Variants in RABGGTA observed in about 807,000 individuals in gnomAD.
RABGGTA encodes Rab geranylgeranyltransferase subunit alpha.
In RABGGTA, 69 loss-of-function variants were observed where a neutral mutation model predicts 83.3. The ratio of observed to expected loss-of-function variants is 0.83; its 90% CI spans 0.68 to 1.01. The LOEUF (loss-of-function observed/expected upper bound fraction) is 1.01, where lower values mean the gene tolerates loss of function less well. Ranked by LOEUF, RABGGTA falls within the 50% of genes least tolerant of loss-of-function variation. The pLI is 0.00. For missense variants in RABGGTA, 681 were observed against 712.7 expected (o/e 0.96, Z 0.51); for synonymous variants, 310 against 299.8 (o/e 1.03, Z -0.35).
chr14:24,271,441 C>A (rs776663101), intron 1 of RABGGTA, 46 bp downstream of exon 1: 28 of 256,502 alleles, frequency 1.1e-4, no homozygotes, highest in Non-Finnish European at 1.7e-4. Context: ...GCTACCCGCC[C>A]GTCCCACGGC....
chr14:24,269,273 T>G, intron 6 of RABGGTA, 110 bp from the exon 7 acceptor site: 1 of 1,147,132 alleles, frequency 8.7e-7, no homozygotes, highest in Non-Finnish European at 1.3e-6. Flanking sequence ...GTCTCACTTA[T>G]ATGCTGTCCT....
rs1489386662 is a variant in RABGGTA at position 24,268,205 on chromosome 14, G to C, written c.1059-7C>G. 6.3e-7 allele frequency: 1 copy of C among 1,599,020 alleles called. No individual in the cohort carries two copies. The highest frequency in any genetic ancestry group is 1.3e-5 in the African/African-American group (1 of 74,602). On this transcript the variant is annotated splice_polypyrimidine_tract_variant and splice_region_variant and intron_variant, in intron 11 of 16. Coordinates refer to ENST00000216840, the MANE Select transcript of RABGGTA (RefSeq NM_182836.3). ...CTCCACTGACAGCTCACACCTGAGG[G>C]TGGGCAGGGTGGGGAGGAGTTGAGG... is the stretch of plus-strand genomic sequence containing the variant.
chr14:24,268,510 T>C lies in RABGGTA; in HGVS notation c.1006+4A>G. ...CAAGGGGTGGAGGCTGCAGGTTCCA[T>C]CACCTTTTAAAAGCACGCATTCTTT... On this transcript the variant is annotated splice_donor_region_variant and intron_variant, in intron 10 of 16. Coordinates refer to ENST00000216840, the MANE Select transcript of RABGGTA (RefSeq NM_182836.3). 2 of 1,613,800 alleles carry C rather than the reference T, an allele frequency of 1.2e-6. No individual in the cohort carries two copies. The highest frequency in any genetic ancestry group is 2.2e-5 in the East Asian group (1 of 44,882).
At chr14:24,268,478 G>T in intron 10 of RABGGTA, 36 bp downstream of exon 10, 1 of 1,613,350 alleles carries the variant, frequency 6.2e-7, no homozygotes, top group Non-Finnish European at 8.5e-7. Flanking sequence ...AGTGATGGGG[G>T]CTGCTGCAAG....
Position 24,267,769 on chromosome 14 carries a change from T to C in RABGGTA, c.1244A>G (p.Asp415Gly), listed in dbSNP as rs377116273. The C allele has an allele frequency of 5.6e-6, 9 of 1,612,260 alleles. No homozygotes were observed. Among genetic ancestry groups the C allele is most frequent in the Non-Finnish European group, 7.6e-6 (9 of 1,179,766 alleles). Reference sequence around the variant, plus strand: ...ATCCAGATACGTTGCCCGCATGGGGTCCACGGCCTGGAGTGGATGAGGTGG... The same window carrying C: ...ATCCAGATACGTTGCCCGCATGGGGCCCACGGCCTGGAGTGGATGAGGTGG... Reference protein sequence around the residue: ...LQYFQTLKAVDPMRATYLDDL... With the variant: ...LQYFQTLKAVGPMRATYLDDL... The change falls in exon 14 of 17, where the codon GAC becomes GGC. Residue 415 changes from aspartate to glycine, a missense_variant. Transcript: ENST00000216840.
chr14:24,270,079 G>A lies in RABGGTA; in HGVS notation c.301C>T (p.Arg101Trp), dbSNP rs756007491. ...AELGFLESCL[R>W]VNPKSYGTWH... Reference sequence around the variant, plus strand: ...GTACCATAAGACTTGGGGTTCACCCGCAGGCAGCTCTCCAGGAAGCCCAGT... The same window carrying A: ...GTACCATAAGACTTGGGGTTCACCCACAGGCAGCTCTCCAGGAAGCCCAGT... Residue 101 changes from arginine (R) to tryptophan (W), a missense_variant, in exon 5 of 17, where the codon CGG (arginine) becomes TGG (tryptophan). Coordinates refer to ENST00000216840, the MANE Select transcript of RABGGTA (RefSeq NM_182836.3). 34 of 1,610,924 alleles carry A rather than the reference G, an allele frequency of 2.1e-5. No individual in the cohort carries two copies. Among genetic ancestry groups the A allele is most frequent in the African/African-American group, 1.2e-4 (9 of 74,844 alleles).
In RABGGTA at chr14:24,269,481, C is replaced by T; in HGVS notation, c.631+10G>A. 1.3e-6 allele frequency: 2 copies of T among 1,559,362 alleles called. No individual in the cohort carries two copies. Among genetic ancestry groups the T allele is most frequent in the Non-Finnish European group, 8.8e-7 (1 of 1,130,726 alleles). On this transcript the variant is annotated intron_variant, in intron 6 of 16. Coordinates refer to ENST00000216840, the MANE Select transcript of RABGGTA (RefSeq NM_182836.3). ...GCAGAGTCCTCCTGAGCATCCCTGA[C>T]CCTGGTTACCTTTGAGCAGCACATC...
At position 24,265,808 on chromosome 14, in the gene RABGGTA, T is replaced by A. The variant is rs377390733; in HGVS notation, c.1556-45A>T. 20 of 1,554,632 alleles carry A rather than the reference T, an allele frequency of 1.3e-5. 1 individual carries two copies. The South Asian group carries it at 2.3e-4, about 18-fold the overall frequency. On this transcript the variant is annotated intron_variant, in intron 16 of 16. Coordinates refer to ENST00000216840, the MANE Select transcript of RABGGTA (RefSeq NM_182836.3). ...GAAAGCTTGGCAGGTTCCTCCCAAT[T>A]TATTTGCTCCTGTGTACCCTCAAGA... is the stretch of plus-strand genomic sequence containing the variant.
At chr14:24,269,210 G>C (rs1490974749) in intron 6 of RABGGTA, 47 bp from the exon 7 acceptor site, 8 of 1,524,568 alleles carry the variant, frequency 5.2e-6, no homozygotes, top group Non-Finnish European at 7.2e-6. Context: ...ACACTGGTGA[G>C]CTCCTGGCCA....
chr14:24,268,456 T>C (rs1288211685), intron 10 of RABGGTA, 36 bp from the exon 11 acceptor site: 1 of 1,594,942 alleles, frequency 6.3e-7, no homozygotes, highest in South Asian at 1.1e-5. Flanking sequence ...GGTGCACCCT[T>C]GAGAGGAAAA....
In RABGGTA at chr14:24,265,749, C is replaced by T. The variant is rs576955193; in HGVS notation, c.1570G>A (p.Ala524Thr). Reference sequence around the variant, plus strand: ...CAGGAGGCAAGAGGCTGGAGCACTGCAGGCTGCTGGAGGCCTTGTTCAGGA... The same window carrying T: ...CAGGAGGCAAGAGGCTGGAGCACTGTAGGCTGCTGGAGGCCTTGTTCAGGA... Reference protein sequence around the residue: ...LLCNNRLQQPAVLQPLASCPR... With the variant: ...LLCNNRLQQPTVLQPLASCPR... Residue 524 changes from alanine (A) to threonine (T), a missense_variant, in exon 17 of 17, where the codon GCA (alanine) becomes ACA (threonine). Ala to Thr is a moderately conservative substitution (Grantham distance 58, BLOSUM62 0). This residue lies in a region of RABGGTA where 421 missense variants were observed against 418.5 expected (regional missense o/e 1.01). Coordinates refer to ENST00000216840, the MANE Select transcript of RABGGTA (RefSeq NM_182836.3). The T allele has an allele frequency of 1.2e-6, 2 of 1,609,330 alleles. No homozygotes were observed. Among genetic ancestry groups the T allele is most frequent in the South Asian group, 2.2e-5 (2 of 90,168 alleles).
At chr14:24,271,320 C>T (rs2040948204) in intron 1 of RABGGTA, 151 bp from the exon 2 acceptor site, 2 of 518,786 alleles carry the variant, frequency 3.9e-6, no homozygotes, top group South Asian at 5.3e-5. Flanking sequence ...GGTGAGCACC[C>T]GGACTAGGAC....
At position 24,268,390 on chromosome 14, in the gene RABGGTA, G is replaced by T. The variant is rs200199139; in HGVS notation, c.1037C>A (p.Thr346Lys). 6.2e-7 allele frequency: 1 copy of T among 1,613,322 alleles called. No individual in the cohort carries two copies. Among genetic ancestry groups the T allele is most frequent in the South Asian group, 1.1e-5 (1 of 91,070 alleles). ...GRQEGWCRDS[T>K]TDEQLFRCEL... ...CCACCTGAATAGCTGCTCGTCTGTC[G>T]TGGAGTCCCGGCACCAGCCCTCCTG... Residue 346 changes from threonine (T) to lysine (K), a missense_variant, in exon 11 of 17, where the codon ACG becomes AAG. This residue lies in a region of RABGGTA where 421 missense variants were observed against 418.5 expected (regional missense o/e 1.01). Transcript: ENST00000216840.
At position 24,270,009 on chromosome 14, in the gene RABGGTA, T is replaced by G. The variant is rs143463989; in HGVS notation, c.371A>C (p.Asn124Thr). ...ACAGAGCTCCAGCTCTCGGGTCCAGTTGGGCTCAGGCAGGCGGCCTAGCAG... is the reference window on the plus strand; with the variant it reads ...ACAGAGCTCCAGCTCTCGGGTCCAGGTGGGCTCAGGCAGGCGGCCTAGCAG... ...CWLLGRLPEP[N>T]WTRELELCAR... is the part of the protein sequence containing the mutation. Residue 124 changes from asparagine (N) to threonine (T), a missense_variant, in exon 5 of 17, where the codon AAC (asparagine) becomes ACC (threonine). By Grantham distance (65) the Asn-to-Thr change is moderately conservative. Around this residue, in one of 5 missense-constraint regions of RABGGTA, gnomAD observed 122 missense variants for 118.9 expected, o/e 1.03. Coordinates refer to ENST00000216840, the MANE Select transcript of RABGGTA (RefSeq NM_182836.3). The G allele has an allele frequency of 3.1e-6, 5 of 1,613,616 alleles. No individual in the cohort carries two copies. The highest frequency in any genetic ancestry group is 3.3e-5 in the Admixed American group (2 of 59,966).
rs763637961 is a variant in RABGGTA at position 24,266,786 on chromosome 14, C to T, written c.1457G>A (p.Arg486His). The change falls in exon 15 of 17, where the codon CGC becomes CAC. Residue 486 changes from arginine (R) to histidine (H), a missense_variant. Arg to His is a conservative substitution (Grantham distance 29, BLOSUM62 0). This residue lies in a region of RABGGTA where 421 missense variants were observed against 418.5 expected (regional missense o/e 1.01). Coordinates refer to ENST00000216840, the MANE Select transcript of RABGGTA (RefSeq NM_182836.3). ...ACATGGGTACTTTACCTCAAGGCAG[C>T]GCAGGGCAGCCAGTGCAGGTGGCAG... ...RTLPPALAAL[R>H]CLEVLQASDN... The T allele has an allele frequency of 4.3e-6, 7 of 1,613,034 alleles. No homozygotes were observed. The East Asian group carries it at 8.9e-5, about 21-fold the overall frequency.
rs773452717 is a variant in RABGGTA, at chr14:24,266,459, C to T, written c.1526G>A (p.Arg509Gln). ...ESLDGVTNLPRLQELLLCNNR... is the reference protein window; with the variant it reads ...ESLDGVTNLPQLQELLLCNNR... ...GTTGCACAGTAGCAGCTCCTGCAGCCGGGGTAGGTTGGTGACGCCGTCCAG... is the reference window on the plus strand; with the variant it reads ...GTTGCACAGTAGCAGCTCCTGCAGCTGGGGTAGGTTGGTGACGCCGTCCAG... Residue 509 changes from arginine to glutamine, a missense_variant, in exon 16 of 17, where the codon CGG (arginine) becomes CAG (glutamine). By Grantham distance (43) the Arg-to-Gln change is conservative. Around this residue, in one of 5 missense-constraint regions of RABGGTA, gnomAD observed 421 missense variants for 418.5 expected, o/e 1.01. Coordinates refer to ENST00000216840, the MANE Select transcript of RABGGTA (RefSeq NM_182836.3). 33 of 1,613,856 alleles carry T rather than the reference C, an allele frequency of 2.0e-5. No individual in the cohort carries two copies. Among genetic ancestry groups the T allele is most frequent in the Middle Eastern group, 1.6e-4 (1 of 6,082 alleles).
chr14:24,270,347 GC>G lies in RABGGTA; in HGVS notation c.225del (p.Gln75HisfsTer15). 1 of 1,611,950 alleles carries G rather than the reference GC, an allele frequency of 6.2e-7. No individual in the cohort carries two copies. Among genetic ancestry groups the G allele is most frequent in the Admixed American group, 1.7e-5 (1 of 59,630 alleles). On this transcript the variant is annotated frameshift_variant, in exon 4 of 17. Coordinates refer to ENST00000216840, the MANE Select transcript of RABGGTA (RefSeq NM_182836.3). LOFTEE classifies it high-confidence loss of function. ...LWNCRREVLQ[Q>X]LETQKSPEEL... Reference sequence around the variant, plus strand: ...ATCCCTACGCACTTCTGAGTCTCCAGCTGCTGGAGCACCTCTCGTCGGCAGT... The same window carrying G: ...ATCCCTACGCACTTCTGAGTCTCCAGTGCTGGAGCACCTCTCGTCGGCAGT...
At chr14:24,271,193 G>A (rs2040945579) in intron 1 of RABGGTA, 24 bp from the exon 2 acceptor site, 3 of 1,457,752 alleles carry the variant, frequency 2.1e-6, no homozygotes, top group Non-Finnish European at 1.8e-6. Flanking sequence ...TGTCAATCAC[G>A]TAGCCCCGCC....
intron 8 of RABGGTA, 23 bp from the exon 9 acceptor site, chr14:24,268,849 C>T: frequency 3.2e-6 from 5 of 1,564,276 alleles, no homozygotes; most frequent in South Asian, 1.2e-5. Flanking sequence ...ACAAAGACTT[C>T]AGCCCCATCA....
Sources: gnomAD v4.1 joint callset for allele counts on GRCh38, gnomAD v4.1.1 for gene constraint, gnomAD v4.1.1 regional missense constraint, MANE v1.5 for transcripts, NCBI Gene and HGNC (gene_info 2026-07-23, HGNC 2026-07-21) for gene names.